TMEM182: variants seen among roughly 807,000 people sequenced by gnomAD.
TMEM182 encodes transmembrane protein 182.
A neutral mutation model predicts 26.8 loss-of-function variants in TMEM182; 20 were observed. The ratio of observed to expected loss-of-function variants is 0.75; its 90% CI spans 0.53 to 1.09. The LOEUF (loss-of-function observed/expected upper bound fraction) is 1.09, where lower values mean the gene tolerates loss of function less well. Ranked by LOEUF, TMEM182 falls within the 50% of genes least tolerant of loss-of-function variation. The probability of loss-of-function intolerance (pLI) is 0.00; values close to 1 mark genes in which losing one functional copy is unlikely to be tolerated. For missense variants in TMEM182, 277 were observed against 275.5 expected (o/e 1.01, Z -0.04); for synonymous variants, 109 against 102.2 (o/e 1.07, Z -0.40).
intron 3 of TMEM182, among the ~76,000 whole-genome samples, chr2:102,777,068 T>A (rs1029580794): frequency 7.9e-5 from 12 of 151,134 alleles, no homozygotes; most frequent in South Asian, 4.2e-4. Context: ...TACATGTTTT[T>A]AAAAAAAAAA....
At chr2:102,788,332 A>C (rs1681484611) in intron 3 of TMEM182, among the ~76,000 whole-genome samples, 1 of 152,122 alleles carries the variant, frequency 6.6e-6, no homozygotes. Flanking sequence ...AATGGGGACA[A>C]CTGACTTGCC....
intron 4 of TMEM182, among the ~76,000 whole-genome samples, chr2:102,810,124 C>CT (rs954817550): frequency 9.2e-5 from 14 of 151,982 alleles, no homozygotes; most frequent in East Asian, 3.9e-4. Flanking sequence ...AAAACACTCT[C>CT]TTTTTAAAAA....
chr2:102,805,325 T>C (rs1682306035), intron 4 of TMEM182, among the ~76,000 whole-genome samples: 1 of 152,072 alleles, frequency 6.6e-6, no homozygotes. Flanking sequence ...AACATCTTAG[T>C]TGGGTGAAGG....
intron 3 of TMEM182, among the ~76,000 whole-genome samples, chr2:102,788,239 G>A (rs1681479747): frequency 6.6e-6 from 1 of 152,140 alleles, no homozygotes; most frequent in Admixed American, 6.5e-5. Flanking sequence ...CACCCTTAGG[G>A]GTCCTCATTC....
At chr2:102,792,451 A>G (rs1321593966) in intron 3 of TMEM182, among the ~76,000 whole-genome samples, 1 of 152,132 alleles carries the variant, frequency 6.6e-6, no homozygotes, top group Non-Finnish European at 1.5e-5. Flanking sequence ...TCAGTTCCCA[A>G]ATGAATGTGC....
At chr2:102,807,653 C>T (rs190329835) in intron 4 of TMEM182, among the ~76,000 whole-genome samples, 32 of 152,128 alleles carry the variant, frequency 2.1e-4, no homozygotes, top group African/African-American at 7.5e-4. Context: ...GGCAAATTTC[C>T]CTTTTCCCAG....
At chr2:102,738,149 T>C (rs1187930529) in intron 1 of TMEM182, among the ~76,000 whole-genome samples, 3 of 152,214 alleles carry the variant, frequency 2.0e-5, no homozygotes, top group Non-Finnish European at 4.4e-5. Flanking sequence ...GAGTAACTCA[T>C]CTGGGAAAGG....
downstream of TMEM182, among the ~76,000 whole-genome samples, chr2:102,822,532 G>A (rs1034985655): frequency 6.6e-6 from 1 of 152,154 alleles, no homozygotes; most frequent in Non-Finnish European, 1.5e-5. Flanking sequence ...ATAGGGGCGG[G>A]AATGGAAGCC....
At chr2:102,807,598 A>G (rs1175418411) in intron 4 of TMEM182, among the ~76,000 whole-genome samples, 1 of 152,216 alleles carries the variant, frequency 6.6e-6, no homozygotes, top group Non-Finnish European at 1.5e-5. Flanking sequence ...TTGAAAGTAC[A>G]TTACAATATT....
At chr2:102,761,931 C>A (rs1392663684), upstream of TMEM182, 4 of 304,010 alleles carry the variant, frequency 1.3e-5, no homozygotes, top group South Asian at 6.8e-5. Context: ...ATTTTTTGAT[C>A]CCCATGGGAG....
upstream of TMEM182, among the ~76,000 whole-genome samples, chr2:102,759,367 A>C (rs1392461191): frequency 2.0e-5 from 3 of 152,140 alleles, no homozygotes; most frequent in Non-Finnish European, 4.4e-5. Flanking sequence ...GGAGCAGTAA[A>C]ATGTGTACAG....
upstream of TMEM182, among the ~76,000 whole-genome samples, chr2:102,760,450 C>T (rs561456726): frequency 2.0e-5 from 3 of 152,206 alleles, no homozygotes; most frequent in East Asian, 3.9e-4. Flanking sequence ...TCCTTAAATG[C>T]CACAGGCTGG....
chr2:102,787,668 G>A lies in TMEM182; in HGVS notation c.332-10195G>A, dbSNP rs533193143. On this transcript the variant is annotated intron_variant, in intron 3 of 4. Coordinates refer to ENST00000412401, the MANE Select transcript of TMEM182 (RefSeq NM_144632.5). Reference sequence around the variant, plus strand: ...TCAGCATTTTTTCAAAATTTCTGGCGGACATAGCAGGAGGAGCCAGAATGG... The same window carrying A: ...TCAGCATTTTTTCAAAATTTCTGGCAGACATAGCAGGAGGAGCCAGAATGG... 2.6e-4 allele frequency among the ~76,000 whole-genome samples: 39 copies of A among 152,268 alleles called. No individual in the cohort carries two copies. In the South Asian group the frequency reaches 5.0e-3, roughly 19 times the overall value.
chr2:102,781,188 G>A (rs948723229), intron 3 of TMEM182, among the ~76,000 whole-genome samples: 3 of 152,154 alleles, frequency 2.0e-5, no homozygotes, highest in Non-Finnish European at 2.9e-5. Flanking sequence ...ACTTTATCTG[G>A]TTATATTCTG....
chr2:102,818,625 C>T (rs2104764696), downstream of TMEM182, among the ~76,000 whole-genome samples: 1 of 152,240 alleles, frequency 6.6e-6, no homozygotes, highest in African/African-American at 2.4e-5. Flanking sequence ...ATCATCCCTC[C>T]TGCCCATAGG....
At chr2:102,789,759 C>T (rs1489320773) in intron 3 of TMEM182, among the ~76,000 whole-genome samples, 1 of 152,188 alleles carries the variant, frequency 6.6e-6, no homozygotes, top group Non-Finnish European at 1.5e-5. Context: ...CCCCCTGACA[C>T]CCATGTGATA....
intron 3 of TMEM182, among the ~76,000 whole-genome samples, chr2:102,782,032 G>A (rs1038966090): frequency 2.5e-4 from 38 of 152,110 alleles, no homozygotes; most frequent in Non-Finnish European, 4.4e-4. Flanking sequence ...TTGGCCGGGC[G>A]TGGTGGCTCA....
At chr2:102,823,009 A>G (rs1682957898) in intron 3 of TMEM182, among the ~76,000 whole-genome samples, 1 of 152,182 alleles carries the variant, frequency 6.6e-6, no homozygotes, top group Non-Finnish European at 1.5e-5. Flanking sequence ...TTACAAGTCA[A>G]ATCAATAGTC....
upstream of TMEM182, chr2:102,758,416 A>C: frequency 1.4e-6 from 1 of 715,730 alleles, no homozygotes; most frequent in South Asian, 1.5e-5. Flanking sequence ...AAGAGTTTCA[A>C]GTGACAGGCA....
Sources: gnomAD v4.1 joint callset for allele counts (sites outside exome capture counted in the v4.1 genomes callset) on GRCh38, gnomAD v4.1.1 for gene constraint, MANE v1.5 for transcripts, NCBI Gene and HGNC (gene_info 2026-07-23, HGNC 2026-07-21) for gene names.